Variants in MYO3A observed in about 807,000 individuals in gnomAD.
MYO3A encodes myosin-IIIa.
A neutral mutation model predicts 192.7 loss-of-function variants in MYO3A; 180 were observed. The ratio of observed to expected loss-of-function variants is 0.93; its 90% CI spans 0.83 to 1.06. The LOEUF is 1.06. Ranked by LOEUF, MYO3A falls within the 50% of genes least tolerant of loss-of-function variation. The pLI is 0.00. For synonymous variants in MYO3A, 628 were observed against 645.3 expected (o/e 0.97, Z 0.41); for missense variants, 1,896 against 1,905.0 (o/e 1.00, Z 0.09).
At chr10:26,202,427 C>T (rs1481232202) in intron 33 of MYO3A, among the ~76,000 whole-genome samples, 1 of 152,178 alleles carries the variant, frequency 6.6e-6, no homozygotes, top group Non-Finnish European at 1.5e-5. Context: ...AGGATGCACC[C>T]TTATGTGTAT....
chr10:26,119,606 A>G (rs1415528334), intron 17 of MYO3A, among the ~76,000 whole-genome samples: 1 of 152,138 alleles, frequency 6.6e-6, no homozygotes, highest in Non-Finnish European at 1.5e-5. Context: ...ACCTTTGTTA[A>G]GTGTAGGAGC....
At position 26,157,384 on chromosome 10, in the gene MYO3A, T is replaced by C. The variant is rs1480865200; in HGVS notation, c.2868T>C (p.Ser956=). Residue 956 remains serine (S), a synonymous_variant, in exon 26 of 35, where the codon AGT becomes AGC. Coordinates refer to ENST00000642920, the MANE Select transcript of MYO3A (RefSeq NM_017433.5). ...TTGTCCGTTGCATCAAACCAAATAG[T>C]GAGCGTCAGGCAAGAAAATATGACA... The part of the protein sequence containing the change: ...PHFVRCIKPN[S]ERQARKYDKE... The C allele has an allele frequency of 1.2e-5, 20 of 1,614,014 alleles. No individual in the cohort carries two copies. The highest frequency in any genetic ancestry group is 1.7e-5 in the Admixed American group (1 of 60,004).
In MYO3A at chr10:26,205,608, C is replaced by CTTTTTTTTTT. The variant is rs576007724; in HGVS notation, c.4730+2518_4730+2527dup. Among the ~76,000 whole-genome samples the CTTTTTTTTTT allele has an allele frequency of 3.9e-3, 268 of 68,578 alleles. 2 individuals carry two copies. The highest frequency in any genetic ancestry group is 4.9e-3 in the Non-Finnish European group (183 of 37,394). 45.0% of individuals were successfully genotyped at this position (68,578 alleles called of 152,430 possible). ...AAAATGGCAGGATTTCTTTTCTTTT[C>CTTTTTTTTTT]TTTTTTTTTTTTTTTTTTTTTTTTT... On this transcript the variant is annotated intron_variant, in intron 34 of 34. Coordinates refer to ENST00000642920, the MANE Select transcript of MYO3A (RefSeq NM_017433.5).
intron 6 of MYO3A, among the ~76,000 whole-genome samples, chr10:26,005,328 A>G (rs750917407): frequency 1.3e-5 from 2 of 152,216 alleles, no homozygotes; most frequent in Non-Finnish European, 2.9e-5. Flanking sequence ...AAAAATGTTA[A>G]GTTCATGAAA....
In MYO3A at chr10:26,212,178, G is replaced by GCT. The variant is rs1250332784; in HGVS notation, c.*223_*224dup. 3 of 643,494 alleles carry GCT rather than the reference G, an allele frequency of 4.7e-6. No individual in the cohort carries two copies. The highest frequency in any genetic ancestry group is 5.1e-6 in the Non-Finnish European group (2 of 395,896). 39.9% of individuals were successfully genotyped at this position (643,494 alleles called of 1,614,324 possible). On this transcript the variant is annotated 3_prime_UTR_variant, in exon 35 of 35. Transcript: ENST00000642920. ...GAGCCCTCGGGAAACCTCCCCCGAC[G>GCT]CTCTCTCTCGGAACTCCCGCACCCT... is the stretch of plus-strand genomic sequence containing the variant.
intron 26 of MYO3A, 79 bp downstream of exon 26, chr10:26,157,594 G>GA: frequency 1.3e-6 from 2 of 1,488,038 alleles, no homozygotes; most frequent in Non-Finnish European, 1.9e-6. Context: ...AACATAATAT[G>GA]AAAAAATCTT....
chr10:26,149,002 A>G (rs1564597784), intron 23 of MYO3A, among the ~76,000 whole-genome samples: 2 of 152,220 alleles, frequency 1.3e-5, no homozygotes, highest in East Asian at 1.9e-4. Flanking sequence ...TAGAATCACA[A>G]TGCAATCACC....
At chr10:26,191,891 A>G (rs1305625541) in intron 31 of MYO3A, among the ~76,000 whole-genome samples, 2 of 152,160 alleles carry the variant, frequency 1.3e-5, no homozygotes, top group African/African-American at 4.8e-5. Context: ...GGGGATTAGG[A>G]ATCATCACTC....
chr10:26,078,140 T>A (rs1181393739), intron 14 of MYO3A, among the ~76,000 whole-genome samples: 1 of 151,376 alleles, frequency 6.6e-6, no homozygotes, highest in African/African-American at 2.4e-5. Context: ...CTTTTTTTTT[T>A]TTTTTGGTAA....
chr10:26,201,140 C>A, intron 32 of MYO3A, 125 bp from the exon 33 acceptor site: 1 of 366,860 alleles, frequency 2.7e-6, no homozygotes. Context: ...ATATTGTATC[C>A]ACTTGCTTAT....
chr10:26,064,553 T>TA (rs34622062), intron 10 of MYO3A, among the ~76,000 whole-genome samples: 72,029 of 151,646 alleles, frequency 0.47, 17,888 homozygotes, highest in Middle Eastern at 0.58. Flanking sequence ...TGATCTGACA[T>TA]TTTTTTTAAA....
chr10:26,074,156 A>G (rs1835385685), intron 14 of MYO3A, among the ~76,000 whole-genome samples: 1 of 152,186 alleles, frequency 6.6e-6, no homozygotes, highest in African/African-American at 2.4e-5. Context: ...ATAATTAGTC[A>G]TGTTAAAATT....
At chr10:25,949,271 T>G (rs1448015223) in intron 2 of MYO3A, among the ~76,000 whole-genome samples, 1 of 152,140 alleles carries the variant, frequency 6.6e-6, no homozygotes, top group Non-Finnish European at 1.5e-5. Flanking sequence ...CTTATGTCTG[T>G]GTATTGAAAA....
At chr10:26,123,145 T>C (rs1838978059) in intron 18 of MYO3A, among the ~76,000 whole-genome samples, 1 of 152,140 alleles carries the variant, frequency 6.6e-6, no homozygotes, top group Non-Finnish European at 1.5e-5. Flanking sequence ...TATATAATAT[T>C]GAGGGGAGAA....
chr10:26,113,697 A>C (rs888956219), intron 17 of MYO3A, among the ~76,000 whole-genome samples: 1 of 152,162 alleles, frequency 6.6e-6, no homozygotes, highest in Non-Finnish European at 1.5e-5. Context: ...TTGGTAAAAT[A>C]AAAATAATTC....
chr10:26,188,849 C>A (rs1842987648), intron 31 of MYO3A, among the ~76,000 whole-genome samples: 1 of 152,090 alleles, frequency 6.6e-6, no homozygotes, highest in African/African-American at 2.4e-5. Flanking sequence ...TGGTCTATAT[C>A]TCTGTTTTGG....
chr10:25,990,217 G>A (rs918247575), intron 4 of MYO3A, among the ~76,000 whole-genome samples: 3 of 151,976 alleles, frequency 2.0e-5, no homozygotes, highest in African/African-American at 7.3e-5. Context: ...TGTGGGGAGG[G>A]GAAGGAGGAT....
chr10:26,169,019 A>C (rs1248119091), intron 28 of MYO3A, 145 bp downstream of exon 28: 1 of 749,808 alleles, frequency 1.3e-6, no homozygotes. Context: ...AATCTAAGTC[A>C]AATTGTTTTA....
intron 20 of MYO3A, among the ~76,000 whole-genome samples, chr10:26,135,822 C>T (rs560285458): frequency 2.6e-5 from 4 of 151,798 alleles, no homozygotes; most frequent in East Asian, 3.9e-4. Flanking sequence ...AAAAATTAGC[C>T]GGGCATGGTG....
Sources: allele counts gnomAD v4.1 joint callset (sites outside exome capture counted in the v4.1 genomes callset), GRCh38; gene constraint gnomAD v4.1.1; transcripts MANE v1.5; gene names NCBI Gene and HGNC (gene_info 2026-07-23, HGNC 2026-07-21).